The following RBFOX1 variants were observed in gnomAD, a reference collection of about 807,000 sequenced individuals.
RBFOX1 encodes RNA binding protein fox-1 homolog 1.
RBFOX1 carries 8 observed loss-of-function variants against 57.7 expected under a neutral mutation model. The ratio of observed to expected loss-of-function variants is 0.14; its 90% CI spans 0.08 to 0.25. RBFOX1 has a LOEUF of 0.25. Among genes scored for constraint, RBFOX1 ranks in the 10% least tolerant of loss-of-function variants. The pLI, the probability that RBFOX1 is intolerant of heterozygous loss-of-function variation, is 1.00. For missense variants in RBFOX1, 611 were observed against 548.5 expected (o/e 1.11, Z -1.14); for synonymous variants, 326 against 222.4 (o/e 1.47, Z -4.15).
intron 3 of RBFOX1, among the ~76,000 whole-genome samples, chr16:6,881,001 G>C (rs879323019): frequency 6.6e-6 from 1 of 152,126 alleles, no homozygotes; most frequent in Non-Finnish European, 1.5e-5. Context: ...CCTAGGCAGG[G>C]CTGAAAAATA....
At chr16:5,468,559 C>A (rs1038097066) in intron 2 of RBFOX1, among the ~76,000 whole-genome samples, 2 of 152,164 alleles carry the variant, frequency 1.3e-5, no homozygotes, top group Non-Finnish European at 1.5e-5. Context: ...ACATATATAC[C>A]CCAAATTGCT....
chr16:7,676,125 C>G (rs1414497930), intron 13 of RBFOX1, among the ~76,000 whole-genome samples: 1 of 152,158 alleles, frequency 6.6e-6, no homozygotes, highest in Non-Finnish European at 1.5e-5. Flanking sequence ...ATTTTCCACA[C>G]CAAACAAATT....
rs148219863 is a variant in RBFOX1, at chr16:6,508,834, C to G, written c.-63-145769C>G. 4.6e-3 allele frequency among the ~76,000 whole-genome samples: 697 copies of G among 150,996 alleles called. 6 individuals are homozygous for G. Among genetic ancestry groups the G allele is most frequent in the South Asian group, 9.2e-3 (44 of 4,764 alleles). ...TGATACAAAAGTAATCACGGTAAAA[C>G]TGCGCTTACTTTTGCACCAACCTAC... is the stretch of plus-strand genomic sequence containing the variant. On this transcript the variant is annotated intron_variant, in intron 2 of 15. Coordinates refer to ENST00000550418, the MANE Select transcript of RBFOX1 (RefSeq NM_018723.4).
At chr16:6,587,898 A>C (rs2097652921) in intron 2 of RBFOX1, among the ~76,000 whole-genome samples, 1 of 152,112 alleles carries the variant, frequency 6.6e-6, no homozygotes, top group Non-Finnish European at 1.5e-5. Context: ...ACCATGAACA[A>C]CTCATGCCTA....
chr16:6,310,870 A>G (rs1246416684), intron 1 of RBFOX1, among the ~76,000 whole-genome samples: 7 of 151,024 alleles, frequency 4.6e-5, no homozygotes, highest in Non-Finnish European at 8.8e-5. Context: ...CCCTGAAGCT[A>G]TGAAGAACAG....
intron 2 of RBFOX1, among the ~76,000 whole-genome samples, chr16:5,484,333 C>T (rs2069651250): frequency 6.6e-6 from 1 of 152,220 alleles, no homozygotes; most frequent in Non-Finnish European, 1.5e-5. Flanking sequence ...CACACAAACC[C>T]CTCCAGTAAG....
At chr16:5,454,926 TCTTC>T (rs1162105535) in intron 1 of RBFOX1, among the ~76,000 whole-genome samples, 634 of 54,728 alleles carry the variant, frequency 0.012, 41 homozygotes, top group African/African-American at 0.026. Context: ...TTTGTTTCTT[TCTTC>T]CTTCCTTCCT....
At chr16:7,152,513 G>A (rs188199364) in intron 4 of RBFOX1, among the ~76,000 whole-genome samples, 225 of 152,194 alleles carry the variant, frequency 1.5e-3, no homozygotes, top group Non-Finnish European at 2.6e-3. Flanking sequence ...TGGCCTTATG[G>A]TCTGGTGCTA....
intron 3 of RBFOX1, among the ~76,000 whole-genome samples, chr16:6,947,517 A>C (rs962019823): frequency 6.6e-6 from 1 of 152,160 alleles, no homozygotes; most frequent in Admixed American, 6.5e-5. Flanking sequence ...CGAAAAAGAG[A>C]TGTGAGATGA....
intron 4 of RBFOX1, among the ~76,000 whole-genome samples, chr16:7,261,710 T>G (rs1247822063): frequency 1.3e-5 from 2 of 152,126 alleles, no homozygotes; most frequent in Non-Finnish European, 2.9e-5. Context: ...TTGATAAAAA[T>G]AGGCATCATG....
At chr16:6,399,536 C>G (rs917953883) in intron 2 of RBFOX1, among the ~76,000 whole-genome samples, 1 of 152,086 alleles carries the variant, frequency 6.6e-6, no homozygotes, top group Non-Finnish European at 1.5e-5. Context: ...ACTTCATTGT[C>G]CATTTCACCA....
At chr16:5,485,429 G>A (rs2069699113) in intron 2 of RBFOX1, among the ~76,000 whole-genome samples, 1 of 135,306 alleles carries the variant, frequency 7.4e-6, no homozygotes, top group South Asian at 2.2e-4. Flanking sequence ...CATACCAAGA[G>A]GTGAGATCAT....
At chr16:5,600,384 G>A (rs537102676), downstream of RBFOX1, among the ~76,000 whole-genome samples, 23 of 151,736 alleles carry the variant, frequency 1.5e-4, no homozygotes, top group African/African-American at 5.6e-4. Context: ...CACTCGGGAG[G>A]CTGAGGTGGG....
At chr16:6,407,573 G>GAGAC (rs1264277271) in intron 2 of RBFOX1, among the ~76,000 whole-genome samples, 2 of 146,668 alleles carry the variant, frequency 1.4e-5, no homozygotes, top group Non-Finnish European at 1.5e-5. Context: ...GTGTGACAGA[G>GAGAC]AGAGAGAGAG....
At chr16:6,638,809 C>G (rs62015557) in intron 2 of RBFOX1, among the ~76,000 whole-genome samples, 2,262 of 152,244 alleles carry the variant, frequency 0.015, 24 homozygotes, top group Non-Finnish European at 0.025. Flanking sequence ...TGATGGCCAC[C>G]ATTTTGGTCT....
At chr16:7,588,610 A>T (rs1379747507) in intron 7 of RBFOX1, among the ~76,000 whole-genome samples, 1 of 152,146 alleles carries the variant, frequency 6.6e-6, no homozygotes, top group Non-Finnish European at 1.5e-5. Context: ...GTTGAGAGAT[A>T]GTGATTTCAG....
At chr16:7,689,097 G>C (rs1052584337) in intron 14 of RBFOX1, among the ~76,000 whole-genome samples, 1 of 152,014 alleles carries the variant, frequency 6.6e-6, no homozygotes, top group African/African-American at 2.4e-5. Context: ...TAAAAAGAAG[G>C]GTTATAAGAA....
chr16:6,269,025 T>C (rs554846086), intron 1 of RBFOX1, among the ~76,000 whole-genome samples: 1 of 152,340 alleles, frequency 6.6e-6, no homozygotes, highest in South Asian at 2.1e-4. Flanking sequence ...TATCATTTTA[T>C]TTGTGTCATC....
At chr16:6,205,717 G>A (rs1433188397) in intron 1 of RBFOX1, among the ~76,000 whole-genome samples, 1 of 151,620 alleles carries the variant, frequency 6.6e-6, no homozygotes, top group Non-Finnish European at 1.5e-5. Flanking sequence ...CTATTTCTTT[G>A]TATAAAAATG....
Sources: gnomAD v4.1 joint callset for allele counts (sites outside exome capture counted in the v4.1 genomes callset) on GRCh38, gnomAD v4.1.1 for gene constraint, MANE v1.5 for transcripts, NCBI Gene and HGNC (gene_info 2026-07-23, HGNC 2026-07-21) for gene names.